The following ACTL7B variants were observed in gnomAD, a reference collection of about 807,000 sequenced individuals.
ACTL7B encodes the protein actin-like protein 7B.
Under a neutral mutation model 17.5 loss-of-function variants are expected in ACTL7B, and 14 were observed. That is an observed-to-expected ratio of 0.80 (90% CI 0.53 to 1.25). The LOEUF is 1.25. ACTL7B is among the 50% of genes most tolerant of loss of function. ACTL7B has a pLI of 0.00. For synonymous variants in ACTL7B, 267 were observed against 252.4 expected, an observed-to-expected ratio of 1.06 and a Z score of -0.55; for missense variants, 599 against 573.9, an observed-to-expected ratio of 1.04 and a Z score of -0.45.
rs763137005 is a variant in ACTL7B at position 108,855,756 on chromosome 9, G to A, written c.175C>T (p.Gln59Ter). The change falls in exon 1 of 1, where the codon CAG (glutamine) becomes TAG (stop). Residue 59 changes from glutamine to a stop codon, truncating the protein, a stop_gained. Coordinates refer to ENST00000374667, the MANE Select transcript of ACTL7B (RefSeq NM_006686.4). LOFTEE classifies it high-confidence loss of function. ...IKAVIIDLGS[Q>*]YCKCGYAGEP... Reference sequence around the variant, plus strand: ...CCCGCGTAGCCGCACTTGCAGTACTGGGAGCCCAGGTCGATGATGACCGCC... The same window carrying A: ...CCCGCGTAGCCGCACTTGCAGTACTAGGAGCCCAGGTCGATGATGACCGCC... 5.0e-6 allele frequency: 8 copies of A among 1,609,238 alleles called. No homozygotes were observed. Among genetic ancestry groups the A allele is most frequent in the Non-Finnish European group, 5.9e-6 (7 of 1,179,968 alleles).
Position 108,855,742 on chromosome 9 carries a change from G to T in ACTL7B, c.189C>A (p.Cys63Ter), listed in dbSNP as rs770078766. ...TGGGCCTCGGCTCTCCCGCGTAGCCGCACTTGCAGTACTGGGAGCCCAGGT... is the reference window on the plus strand; with the variant it reads ...TGGGCCTCGGCTCTCCCGCGTAGCCTCACTTGCAGTACTGGGAGCCCAGGT... ...IIDLGSQYCK[C>*]GYAGEPRPTY... Residue 63 changes from cysteine to a stop codon, truncating the protein, a stop_gained, in exon 1 of 1, where the codon TGC (cysteine) becomes TGA (stop). Transcript: ENST00000374667. LOFTEE classifies it high-confidence loss of function. The T allele has an allele frequency of 1.9e-6, 3 of 1,608,870 alleles. No individual in the cohort carries two copies. Among genetic ancestry groups the T allele is most frequent in the Non-Finnish European group, 1.7e-6 (2 of 1,179,936 alleles).
At position 108,855,301 on chromosome 9, in the gene ACTL7B, G is replaced by T; in HGVS notation, c.630C>A (p.Ser210=). ...TCAGGCCCGGCAGCACGTCGCCCTC[G>T]GATATGGGCACCACGTGCGAGACGC... The part of the protein sequence containing the change: ...GHGVSHVVPI[S]EGDVLPGLTS... The change falls in exon 1 of 1, where the codon TCC becomes TCA. Residue 210 remains serine, a synonymous_variant. Transcript: ENST00000374667. The T allele has an allele frequency of 6.2e-7, 1 of 1,601,904 alleles. No homozygotes were observed. The highest frequency in any genetic ancestry group is 2.2e-5 in the East Asian group (1 of 44,862).
Position 108,855,875 on chromosome 9 carries a change from T to G in ACTL7B, c.56A>C (p.Glu19Ala). Reference protein sequence around the residue: ...PLGTAQGDPGEAGTRPGPDAS... With the variant: ...PLGTAQGDPGAAGTRPGPDAS... ...GTCAGGGCCGGGCCGTGTTCCTGCC[T>G]CTCCAGGGTCACCCTGAGCCGTGCC... is the stretch of plus-strand genomic sequence containing the variant. Residue 19 changes from glutamate to alanine, a missense_variant, in exon 1 of 1, where the codon GAG (glutamate) becomes GCG (alanine). Glu to Ala is a moderately radical substitution (Grantham distance 107). Coordinates refer to ENST00000374667, the MANE Select transcript of ACTL7B (RefSeq NM_006686.4). 1 of 1,610,146 alleles carries G rather than the reference T, an allele frequency of 6.2e-7. No individual in the cohort carries two copies. The highest frequency in any genetic ancestry group is 8.5e-7 in the Non-Finnish European group (1 of 1,178,998).
rs149121708 is a variant in ACTL7B, at chr9:108,855,496, G to C, written c.435C>G (p.His145Gln). The C allele has an allele frequency of 1.9e-6, 3 of 1,613,486 alleles. No individual in the cohort carries two copies. Among genetic ancestry groups the C allele is most frequent in the Non-Finnish European group, 2.5e-6 (3 of 1,180,038 alleles). Reference protein sequence around the residue: ...RTAMKILPEEHAVLVSDPPLS... With the variant: ...RTAMKILPEEQAVLVSDPPLS... ...GCGGAGGGTCGGAGACCAGCACAGCGTGCTCCTCGGGGAGGATCTTCATGG... is the reference window on the plus strand; with the variant it reads ...GCGGAGGGTCGGAGACCAGCACAGCCTGCTCCTCGGGGAGGATCTTCATGG... Residue 145 changes from histidine to glutamine, a missense_variant, in exon 1 of 1, where the codon CAC becomes CAG. Coordinates refer to ENST00000374667, the MANE Select transcript of ACTL7B (RefSeq NM_006686.4).
chr9:108,854,631 A>T lies in ACTL7B; in HGVS notation c.*52T>A. On this transcript the variant is annotated 3_prime_UTR_variant, in exon 1 of 1. Transcript: ENST00000374667. ...TGTGAAATTCTGTAAATGTGTATAG[A>T]GAGGCCTGTGGCCATCTGTGCTGGA... 1 of 1,421,744 alleles carries T rather than the reference A, an allele frequency of 7.0e-7. No individual in the cohort carries two copies. Among genetic ancestry groups the T allele is most frequent in the Non-Finnish European group, 9.2e-7 (1 of 1,081,758 alleles). The allele number at this position is 1,421,744 out of a possible 1,614,324, so 88.1% of individuals were successfully genotyped here.
In ACTL7B at chr9:108,855,692, C is replaced by T; in HGVS notation, c.239G>A (p.Gly80Asp). 6.2e-7 allele frequency: 1 copy of T among 1,611,356 alleles called. No individual in the cohort carries two copies. Reference sequence around the variant, plus strand: ...GTCGGCCGCCTCGGGGCAGCGTTTGCCCACGGTGGAGGAGATGAAGTAGGT... The same window carrying T: ...GTCGGCCGCCTCGGGGCAGCGTTTGTCCACGGTGGAGGAGATGAAGTAGGT... The part of the protein sequence containing the change: ...RPTYFISSTV[G>D]KRCPEAADAG... The change falls in exon 1 of 1, where the codon GGC becomes GAC. Residue 80 changes from glycine to aspartate, a missense_variant. By Grantham distance (94) the Gly-to-Asp change is moderately conservative (BLOSUM62 -1). Transcript: ENST00000374667.
At position 108,854,730 on chromosome 9, in the gene ACTL7B, C is replaced by A; in HGVS notation, c.1201G>T (p.Glu401Ter). ...QAFQQLWVSK[E>*]EFEERGSVAI... is the part of the protein sequence containing the mutation. ...ACGCTGCCCCGCTCCTCAAACTCTT[C>A]CTTGCTGACCCAGAGCTGTTGGAAG... The change falls in exon 1 of 1, where the codon GAA (glutamate) becomes TAA (stop). Residue 401 changes from glutamate (E) to a stop codon, truncating the protein, a stop_gained. Coordinates refer to ENST00000374667, the MANE Select transcript of ACTL7B (RefSeq NM_006686.4). LOFTEE classifies it high-confidence loss of function. 1 of 1,536,390 alleles carries A rather than the reference C, an allele frequency of 6.5e-7. No individual in the cohort carries two copies. Among genetic ancestry groups the A allele is most frequent in the Non-Finnish European group, 8.8e-7 (1 of 1,141,996 alleles).
rs1389890775 is a variant in ACTL7B, at chr9:108,854,596, T to C, written c.*87A>G. 2 of 1,325,454 alleles carry C rather than the reference T, an allele frequency of 1.5e-6. No individual in the cohort carries two copies. The highest frequency in any genetic ancestry group is 5.6e-5 in the Admixed American group (2 of 35,844). The allele number at this position is 1,325,454 out of a possible 1,614,324, so 82.1% of individuals were successfully genotyped here. On this transcript the variant is annotated 3_prime_UTR_variant, in exon 1 of 1. Coordinates refer to ENST00000374667, the MANE Select transcript of ACTL7B (RefSeq NM_006686.4). Reference sequence around the variant, plus strand: ...AGACTAGACAAGAGCCATTTCAGAGTAAACCTTTATGTGAAATTCTGTAAA... The same window carrying C: ...AGACTAGACAAGAGCCATTTCAGAGCAAACCTTTATGTGAAATTCTGTAAA...
Position 108,855,863 on chromosome 9 carries a change from C to G in ACTL7B, c.68G>C (p.Arg23Pro), listed in dbSNP as rs141483172. Residue 23 changes from arginine to proline, a missense_variant, in exon 1 of 1, where the codon CGG becomes CCG. Transcript: ENST00000374667. ...AQGDPGEAGT[R>P]PGPDASLRDT... Reference sequence around the variant, plus strand: ...CCGGAGGCTGGCGTCAGGGCCGGGCCGTGTTCCTGCCTCTCCAGGGTCACC... The same window carrying G: ...CCGGAGGCTGGCGTCAGGGCCGGGCGGTGTTCCTGCCTCTCCAGGGTCACC... 5.5e-5 allele frequency: 89 copies of G among 1,610,378 alleles called. No individual in the cohort carries two copies. The highest frequency in any genetic ancestry group is 7.5e-5 in the Non-Finnish European group (88 of 1,179,376).
chr9:108,855,766 G>A lies in ACTL7B; in HGVS notation c.165C>T (p.Asp55=). The change falls in exon 1 of 1, where the codon GAC becomes GAT. Residue 55 remains aspartate (D), a synonymous_variant. Transcript: ENST00000374667. ...CGCACTTGCAGTACTGGGAGCCCAG[G>A]TCGATGATGACCGCCTTGATCTTGT... ...KVHKIKAVII[D]LGSQYCKCGY... The A allele has an allele frequency of 6.2e-7, 1 of 1,609,634 alleles. No homozygotes were observed. The highest frequency in any genetic ancestry group is 8.5e-7 in the Non-Finnish European group (1 of 1,179,984).
chr9:108,854,782 G>T lies in ACTL7B; in HGVS notation c.1149C>A (p.Gly383=), dbSNP rs1239352749. ...APERKTSVWT[G]GSILASLQAF... ...CCTGCAGGGAGGCCAGGATGGAACC[G>T]CCGGTCCACACGGAGGTCTTCCTCT... Residue 383 remains glycine, a synonymous_variant, in exon 1 of 1, where the codon GGC becomes GGA. Transcript: ENST00000374667. 1 of 1,602,110 alleles carries T rather than the reference G, an allele frequency of 6.2e-7. No individual in the cohort carries two copies. Among genetic ancestry groups the T allele is most frequent in the Non-Finnish European group, 8.5e-7 (1 of 1,173,536 alleles).
rs774244641 is a variant in ACTL7B at position 108,855,047 on chromosome 9, C to T, written c.884G>A (p.Arg295His). 3.3e-6 allele frequency: 5 copies of T among 1,531,262 alleles called. No individual in the cohort carries two copies. Among genetic ancestry groups the T allele is most frequent in the Non-Finnish European group, 4.4e-6 (5 of 1,137,472 alleles). 94.9% of individuals were successfully genotyped at this position (1,531,262 alleles called of 1,614,324 possible). The change falls in exon 1 of 1, where the codon CGC (arginine) becomes CAC (histidine). Residue 295 changes from arginine (R) to histidine (H), a missense_variant. Arg to His is a conservative substitution (Grantham distance 29). Coordinates refer to ENST00000374667, the MANE Select transcript of ACTL7B (RefSeq NM_006686.4). ...DGKLITIGQE[R>H]FRCSEMLFQP... ...GAAGAGCATCTCAGAGCAACGGAAGCGCTCCTGGCCAATAGTGATGAGTTT... is the reference window on the plus strand; with the variant it reads ...GAAGAGCATCTCAGAGCAACGGAAGTGCTCCTGGCCAATAGTGATGAGTTT...
In ACTL7B at chr9:108,855,295, G is replaced by A. The variant is rs756015624; in HGVS notation, c.636C>T (p.Gly212=). ...GGCTGGTCAGGCCCGGCAGCACGTC[G>A]CCCTCGGATATGGGCACCACGTGCG... is the stretch of plus-strand genomic sequence containing the variant. ...GVSHVVPISE[G]DVLPGLTSRA... is the part of the protein sequence containing the mutation. The change falls in exon 1 of 1, where the codon GGC becomes GGT. Residue 212 remains glycine, a synonymous_variant. Coordinates refer to ENST00000374667, the MANE Select transcript of ACTL7B (RefSeq NM_006686.4). The A allele has an allele frequency of 3.1e-6, 5 of 1,600,720 alleles. No individual in the cohort carries two copies. The highest frequency in any genetic ancestry group is 4.5e-5 in the East Asian group (2 of 44,848).
Position 108,855,959 on chromosome 9 carries a change from C to G in ACTL7B, c.-29G>C. The G allele has an allele frequency of 6.5e-7, 1 of 1,547,126 alleles. No homozygotes were observed. The highest frequency in any genetic ancestry group is 1.3e-5 in the South Asian group (1 of 78,546). ...CCTCCCTTGCTCCCCTTCTCACATC[C>G]ACAGCCTAGAGCCCCCTGGGGAGAA... On this transcript the variant is annotated 5_prime_UTR_variant, in exon 1 of 1. Transcript: ENST00000374667.
chr9:108,855,850 G>C lies in ACTL7B; in HGVS notation c.81C>G (p.Asp27Glu). Residue 27 changes from aspartate (D) to glutamate (E), a missense_variant, in exon 1 of 1, where the codon GAC (aspartate) becomes GAG (glutamate). Coordinates refer to ENST00000374667, the MANE Select transcript of ACTL7B (RefSeq NM_006686.4). ...CCGCACCTGTGTCCCGGAGGCTGGCGTCAGGGCCGGGCCGTGTTCCTGCCT... is the reference window on the plus strand; with the variant it reads ...CCGCACCTGTGTCCCGGAGGCTGGCCTCAGGGCCGGGCCGTGTTCCTGCCT... ...PGEAGTRPGP[D>E]ASLRDTGAAT... 3 of 1,611,278 alleles carry C rather than the reference G, an allele frequency of 1.9e-6. No individual in the cohort carries two copies. Among genetic ancestry groups the C allele is most frequent in the Non-Finnish European group, 1.7e-6 (2 of 1,179,840 alleles).
Position 108,855,448 on chromosome 9 carries a change from C to T in ACTL7B, c.483G>A (p.Glu161=). 6.2e-7 allele frequency: 1 copy of T among 1,613,310 alleles called. No homozygotes were observed. The highest frequency in any genetic ancestry group is 8.5e-7 in the Non-Finnish European group (1 of 1,179,884). The change falls in exon 1 of 1, where the codon GAG becomes GAA. Residue 161 remains glutamate (E), a synonymous_variant. Transcript: ENST00000374667. ...DPPLSPSSNR[E]KYAELMFETF... is the part of the protein sequence containing the mutation. ...TCTCAAACATGAGCTCCGCGTACTT[C>T]TCCCGGTTGCTGCTGGGGCTGAGCG...
chr9:108,854,927 A>G lies in ACTL7B; in HGVS notation c.1004T>C (p.Met335Thr). ...GCCACACAGTAGCACGTTGGCGGCC[A>G]TCTCCTCCTTGAAGCCCGTGTCCTG... ...RCQDTGFKEE[M>T]AANVLLCGGC... is the part of the protein sequence containing the mutation. The change falls in exon 1 of 1, where the codon ATG (methionine) becomes ACG (threonine). Residue 335 changes from methionine (M) to threonine (T), a missense_variant. Met to Thr is a moderately conservative substitution (Grantham distance 81). Coordinates refer to ENST00000374667, the MANE Select transcript of ACTL7B (RefSeq NM_006686.4). 1 of 1,516,352 alleles carries G rather than the reference A, an allele frequency of 6.6e-7. No homozygotes were observed. The allele number at this position is 1,516,352 out of a possible 1,614,324, so 93.9% of individuals were successfully genotyped here.
chr9:108,855,652 G>C lies in ACTL7B; in HGVS notation c.279C>G (p.Arg93=), dbSNP rs1353143284. 6 of 1,613,438 alleles carry C rather than the reference G, an allele frequency of 3.7e-6. No individual in the cohort carries two copies. Among genetic ancestry groups the C allele is most frequent in the Non-Finnish European group, 5.1e-6 (6 of 1,180,044 alleles). The part of the protein sequence containing the change: ...CPEAADAGDT[R]KWTLVGHELL... The stretch of plus-strand genomic sequence containing the variant: ...GCTCATGGCCCACTAAAGTCCACTT[G>C]CGGGTGTCGCCAGCGTCGGCCGCCT... The change falls in exon 1 of 1, where the codon CGC becomes CGG. Residue 93 remains arginine, a synonymous_variant. Transcript: ENST00000374667.
chr9:108,855,412 G>T lies in ACTL7B; in HGVS notation c.519C>A (p.Ile173=). 6 of 1,613,344 alleles carry T rather than the reference G, an allele frequency of 3.7e-6. No homozygotes were observed. Among genetic ancestry groups the T allele is most frequent in the Middle Eastern group, 1.6e-4 (1 of 6,062 alleles). Residue 173 remains isoleucine, a synonymous_variant, in exon 1 of 1, where the codon ATC becomes ATA. Transcript: ENST00000374667. ...ACTGGGACGTCACGTGCATGGCTGG[G>T]ATGCCGAAGGTCTCAAACATGAGCT... ...YAELMFETFG[I]PAMHVTSQSL... is the part of the protein sequence containing the mutation.
Sources: gnomAD v4.1 joint callset for allele counts on GRCh38, gnomAD v4.1.1 for gene constraint, MANE v1.5 for transcripts, NCBI Gene and HGNC (gene_info 2026-07-23, HGNC 2026-07-21) for gene names.